The following JADE1 variants were observed in gnomAD, a reference collection of about 807,000 sequenced individuals.
JADE1 encodes protein Jade-1.
A neutral mutation model predicts 81.8 loss-of-function variants in JADE1; 14 were observed. The ratio of observed to expected loss-of-function variants is 0.17; its 90% CI spans 0.11 to 0.27. The LOEUF (loss-of-function observed/expected upper bound fraction) is 0.27. Ranked by LOEUF, JADE1 falls within the 10% of genes least tolerant of loss-of-function variation. JADE1 has a pLI of 1.00. For missense variants in JADE1, 690 were observed against 1,047.9 expected, an observed-to-expected ratio of 0.66 and a Z score of 4.71; for synonymous variants, 353 against 391.9, an observed-to-expected ratio of 0.90 and a Z score of 1.17.
At chr4:128,848,487 T>C (rs1358466516) in intron 4 of JADE1, among the ~76,000 whole-genome samples, 1 of 152,140 alleles carries the variant, frequency 6.6e-6, no homozygotes, top group African/African-American at 2.4e-5. Flanking sequence ...GCCCAAGGCC[T>C]GATTTTCTTT....
chr4:128,834,619 C>T (rs1728829791), intron 2 of JADE1, among the ~76,000 whole-genome samples: 1 of 146,288 alleles, frequency 6.8e-6, no homozygotes, highest in Non-Finnish European at 1.5e-5. Flanking sequence ...ACTGCAAGCT[C>T]TGCCTCCTGG....
intron 6 of JADE1, among the ~76,000 whole-genome samples, chr4:128,854,918 TTTTAA>T (rs1190580957): frequency 8.5e-5 from 13 of 152,238 alleles, no homozygotes; most frequent in African/African-American, 3.1e-4. Flanking sequence ...TTGTTTTATT[TTTTAA>T]TTTAAATTGT....
In JADE1 at chr4:128,874,301, TAGAA is replaced by T. The variant is rs1732411365; in HGVS notation, c.*2045_*2048del. 6.6e-6 allele frequency: 1 copy of T among 152,560 alleles called. No homozygotes were observed. Among genetic ancestry groups the T allele is most frequent in the Admixed American group, 6.5e-5 (1 of 15,272 alleles). 9.5% of individuals were successfully genotyped at this position (152,560 alleles called of 1,614,324 possible). On this transcript the variant is annotated 3_prime_UTR_variant, in exon 11 of 11. Coordinates refer to ENST00000226319, the MANE Select transcript of JADE1 (RefSeq NM_199320.4). ...TATAGAGGGATAATTTGTCAAGCCA[TAGAA>T]AGAAAATCTAAATTAATCTAGTAAG...
At chr4:128,829,133 A>G (rs1728320971) in intron 1 of JADE1, among the ~76,000 whole-genome samples, 1 of 152,180 alleles carries the variant, frequency 6.6e-6, no homozygotes, top group South Asian at 2.1e-4. Context: ...TGGCACACAC[A>G]GGGCAGAGAA....
At position 128,812,514 on chromosome 4, in the gene JADE1, C is replaced by T. The variant is rs548838938; in HGVS notation, c.-27+2637C>T. ...ACTCCGCCACCCTCCCACTAGAGCT[C>T]CTTATTCTCGAGTCCTCAACCCCGG... On this transcript the variant is annotated intron_variant, in intron 1 of 10. Coordinates refer to ENST00000226319, the MANE Select transcript of JADE1 (RefSeq NM_199320.4). 2.6e-4 allele frequency among the ~76,000 whole-genome samples: 40 copies of T among 152,196 alleles called. No individual in the cohort carries two copies. In the South Asian group the frequency reaches 3.5e-3, roughly 13 times the overall value.
At chr4:128,827,985 C>G (rs763052718) in intron 1 of JADE1, 24 of 588,034 alleles carry the variant, frequency 4.1e-5, no homozygotes, top group Non-Finnish European at 4.9e-5. Context: ...TCAGCTCAGT[C>G]TTACCAGCCT....
chr4:128,829,809 G>A (rs758258651), intron 1 of JADE1, among the ~76,000 whole-genome samples: 1 of 152,114 alleles, frequency 6.6e-6, no homozygotes, highest in Non-Finnish European at 1.5e-5. Context: ...CTGCTCTTTT[G>A]TAGGCCTTTT....
rs1732378492 is a variant in JADE1, at chr4:128,873,774, C to T, written c.*1512C>T. 6.6e-6 allele frequency: 1 copy of T among 152,466 alleles called. No individual in the cohort carries two copies. The highest frequency in any genetic ancestry group is 1.5e-5 in the Non-Finnish European group (1 of 68,042). The allele number at this position is 152,466 out of a possible 1,614,324, so 9.4% of individuals were successfully genotyped here. A position where few individuals can be genotyped will look rare whatever the true frequency, so the allele number is the denominator to read the frequency against. On this transcript the variant is annotated 3_prime_UTR_variant, in exon 11 of 11. Transcript: ENST00000226319. Reference sequence around the variant, plus strand: ...TCCTGATTCATTTATACATCTGTTTCCATATGGCAGGGACATTATGATACT... The same window carrying T: ...TCCTGATTCATTTATACATCTGTTTTCATATGGCAGGGACATTATGATACT...
intron 2 of JADE1, among the ~76,000 whole-genome samples, chr4:128,833,474 GT>G (rs1728715314): frequency 6.6e-6 from 1 of 152,192 alleles, no homozygotes; most frequent in South Asian, 2.1e-4. Flanking sequence ...GGAGGCCGAG[GT>G]GGGTGGATCA....
At chr4:128,859,171 A>T (rs1285356016) in intron 8 of JADE1, among the ~76,000 whole-genome samples, 2 of 151,482 alleles carry the variant, frequency 1.3e-5, no homozygotes, top group Non-Finnish European at 2.9e-5. Flanking sequence ...GATGAACTTG[A>T]GTGTGTGTGT....
Position 128,871,790 on chromosome 4 carries a change from G to A in JADE1, c.2057G>A (p.Arg686Lys). ...TTTAAACAGAGTCACAAGCCTCTCAGGTCCACAGATGTGTCCCAGAGGCAT... is the reference window on the plus strand; with the variant it reads ...TTTAAACAGAGTCACAAGCCTCTCAAGTCCACAGATGTGTCCCAGAGGCAT... The part of the protein sequence containing the change: ...KSFKQSHKPL[R>K]STDVSQRHLD... The change falls in exon 11 of 11, where the codon AGG becomes AAG. Residue 686 changes from arginine to lysine, a missense_variant. Arg to Lys is a conservative substitution (Grantham distance 26). Coordinates refer to ENST00000226319, the MANE Select transcript of JADE1 (RefSeq NM_199320.4). This position sits in a 1 kb window ranked among gnomAD's most constrained non-coding sequence, Gnocchi z 4.1. 1 of 1,614,166 alleles carries A rather than the reference G, an allele frequency of 6.2e-7. No individual in the cohort carries two copies. Among genetic ancestry groups the A allele is most frequent in the South Asian group, 1.1e-5 (1 of 91,074 alleles).
chr4:128,872,484 ATAAGACACTGC>A lies in JADE1; in HGVS notation c.*229_*239del, dbSNP rs72362388. ...GGAAACAGAAGAGTAGATTGTAACC[ATAAGACACTGC>A]TAAGACTAGAACCCGAACTGAACAC... On this transcript the variant is annotated 3_prime_UTR_variant, in exon 11 of 11. Transcript: ENST00000226319. The A allele has an allele frequency of 5.5e-3, 2,953 of 538,236 alleles. 72 individuals carry two copies. The highest frequency in any genetic ancestry group is 0.049 in the African/African-American group (2,623 of 53,028). 33.3% of individuals were successfully genotyped at this position (538,236 alleles called of 1,614,324 possible). A position where few individuals can be genotyped will look rare whatever the true frequency, so the allele number is the denominator to read the frequency against.
intron 6 of JADE1, among the ~76,000 whole-genome samples, chr4:128,853,301 T>A (rs777947025): frequency 2.6e-5 from 4 of 152,196 alleles, no homozygotes; most frequent in Non-Finnish European, 5.9e-5. Flanking sequence ...AAGGTCACAT[T>A]TTGAGATATT....
intron 5 of JADE1, among the ~76,000 whole-genome samples, chr4:128,849,614 T>A (rs1353015702): frequency 6.6e-6 from 1 of 152,218 alleles, no homozygotes; most frequent in African/African-American, 2.4e-5. Flanking sequence ...ATCATGTGTG[T>A]TTTAACTTGA....
chr4:128,817,580 C>T (rs1435700917), intron 1 of JADE1, among the ~76,000 whole-genome samples: 1 of 152,202 alleles, frequency 6.6e-6, no homozygotes, highest in African/African-American at 2.4e-5. Flanking sequence ...AACTTCATGG[C>T]TTGCTTTAAT....
chr4:128,811,493 C>T (rs1311475637), intron 1 of JADE1: 2 of 151,896 alleles, frequency 1.3e-5, no homozygotes, highest in Non-Finnish European at 2.9e-5. Flanking sequence ...CTGGGTGGCC[C>T]CGGGGCCAAC....
intron 1 of JADE1, among the ~76,000 whole-genome samples, chr4:128,818,126 CTT>C (rs375005134): frequency 2.8e-5 from 4 of 144,386 alleles, no homozygotes; most frequent in African/African-American, 5.1e-5. Context: ...TTAGGGACTT[CTT>C]TTTTTTTTTT....
chr4:128,831,537 C>A, intron 1 of JADE1, 196 bp from the exon 2 acceptor site: 1 of 536,262 alleles, frequency 1.9e-6, no homozygotes, highest in Non-Finnish European at 3.3e-6. Flanking sequence ...CACCCCTCCC[C>A]CTCCTTTTTT....
chr4:128,856,917 T>A (rs1730840898), intron 7 of JADE1, among the ~76,000 whole-genome samples: 1 of 152,102 alleles, frequency 6.6e-6, no homozygotes, highest in African/African-American at 2.4e-5. Context: ...AAGAAAATGG[T>A]TTTTTTTGGC....
Sources: allele counts gnomAD v4.1 joint callset (sites outside exome capture counted in the v4.1 genomes callset), GRCh38; gene constraint gnomAD v4.1.1; non-coding constraint Gnocchi (gnomAD v3.1); transcripts MANE v1.5; gene names NCBI Gene and HGNC (gene_info 2026-07-23, HGNC 2026-07-21).